Variants in CSMD2 observed in about 807,000 individuals in gnomAD.
CSMD2 encodes the protein CUB and sushi domain-containing protein 2.
Under a neutral mutation model 398.5 loss-of-function variants are expected in CSMD2, and 130 were observed. The observed-to-expected ratio is 0.33, with a 90% CI of 0.28 to 0.38. The LOEUF is 0.38. Ranked by LOEUF, CSMD2 falls within the 10% of genes least tolerant of loss-of-function variation. The pLI, the probability that CSMD2 is intolerant of heterozygous loss-of-function variation, is 1.00. For synonymous variants in CSMD2, 1,828 were observed against 1,908.5 expected (o/e 0.96, Z 1.10); for missense variants, 3,829 against 4,764.9 (o/e 0.80, Z 5.78).
chr1:34,008,988 T>A (rs1012557547), intron 3 of CSMD2, among the ~76,000 whole-genome samples: 11 of 150,892 alleles, frequency 7.3e-5, no homozygotes, highest in South Asian at 4.2e-4. Flanking sequence ...GCCTACCCCA[T>A]CCACTTTGCC....
chr1:33,771,867 C>G (rs1487796931), intron 13 of CSMD2, among the ~76,000 whole-genome samples: 1 of 152,214 alleles, frequency 6.6e-6, no homozygotes, highest in East Asian at 1.9e-4. Flanking sequence ...CCCACAGAGA[C>G]CATGTCTGGG....
intron 1 of CSMD2, among the ~76,000 whole-genome samples, chr1:34,148,066 TA>T (rs1316786654): frequency 1.3e-5 from 2 of 152,080 alleles, no homozygotes; most frequent in African/African-American, 4.8e-5. Context: ...CAGCATTGGG[TA>T]AGATGAACTT....
At chr1:34,092,583 T>A (rs906522262) in intron 1 of CSMD2, among the ~76,000 whole-genome samples, 1 of 152,140 alleles carries the variant, frequency 6.6e-6, no homozygotes, top group East Asian at 1.9e-4. Flanking sequence ...GGGCGAGGCA[T>A]TGCCTCACTC....
At chr1:34,096,064 G>A (rs1365135194) in intron 1 of CSMD2, among the ~76,000 whole-genome samples, 1 of 151,712 alleles carries the variant, frequency 6.6e-6, no homozygotes, top group African/African-American at 2.4e-5. Flanking sequence ...TATCCACCAT[G>A]ATCAAGTGGG....
chr1:33,826,042 C>G (rs559530468), intron 6 of CSMD2, among the ~76,000 whole-genome samples: 1 of 152,302 alleles, frequency 6.6e-6, no homozygotes, highest in East Asian at 1.9e-4. Context: ...TGGGACTCCC[C>G]CGGTGGCCTC....
In CSMD2 at chr1:33,635,165, A is replaced by T; in HGVS notation, c.5086+49T>A. Reference sequence around the variant, plus strand: ...CTGAGGAATTGCTCATTTTGGAATGAGGGTGAGGAGTCAGAAAACATATGA... The same window carrying T: ...CTGAGGAATTGCTCATTTTGGAATGTGGGTGAGGAGTCAGAAAACATATGA... On this transcript the variant is annotated intron_variant, in intron 31 of 70. Transcript: ENST00000373381. The surrounding 1 kb of genome is among the most constrained non-coding windows in gnomAD (Gnocchi z 5.0). 8.7e-7 allele frequency: 1 copy of T among 1,146,440 alleles called. No individual in the cohort carries two copies. The highest frequency in any genetic ancestry group is 1.3e-6 in the Non-Finnish European group (1 of 766,262). The allele number at this position is 1,146,440 out of a possible 1,614,324, so 71.0% of individuals were successfully genotyped here. A position where few individuals can be genotyped will look rare whatever the true frequency, so the allele number is the denominator to read the frequency against.
At position 33,616,964 on chromosome 1, in the gene CSMD2, G is replaced by A; in HGVS notation, c.5958C>T (p.His1986=). The A allele has an allele frequency of 6.2e-7, 1 of 1,614,168 alleles. No individual in the cohort carries two copies. The highest frequency in any genetic ancestry group is 1.1e-5 in the South Asian group (1 of 91,076). ...EPGYALQGHA[H]ISCMPGTVRR... is the part of the protein sequence containing the mutation. The stretch of plus-strand genomic sequence containing the variant: ...GCACTGTTCCGGGCATGCAGGAGAT[G>A]TGGGCGTGGCCCTGGAGGAATCAGG... Residue 1986 remains histidine (H), a synonymous_variant, in exon 39 of 71, where the codon CAC becomes CAT. Coordinates refer to ENST00000373381, the MANE Select transcript of CSMD2 (RefSeq NM_001281956.2).
intron 25 of CSMD2, among the ~76,000 whole-genome samples, chr1:33,690,122 A>T (rs1645187511): frequency 6.6e-6 from 1 of 152,102 alleles, no homozygotes; most frequent in Non-Finnish European, 1.5e-5. Flanking sequence ...GAGCTGTCAA[A>T]ACGCAGCCTC....
At chr1:33,716,104 T>G (rs1474226566) in intron 20 of CSMD2, among the ~76,000 whole-genome samples, 182 bp downstream of exon 20, 1 of 152,118 alleles carries the variant, frequency 6.6e-6, no homozygotes, top group Non-Finnish European at 1.5e-5. Context: ...TCCAAGACCA[T>G]TATAGGTAAG....
chr1:33,932,360 C>T (rs546992491), intron 4 of CSMD2, among the ~76,000 whole-genome samples: 12 of 152,022 alleles, frequency 7.9e-5, no homozygotes, highest in East Asian at 3.9e-4. Flanking sequence ...GAGAAGAGGC[C>T]GAGCTGGGCC....
At chr1:33,540,061 G>A (rs1656185422) in intron 60 of CSMD2, among the ~76,000 whole-genome samples, 1 of 152,180 alleles carries the variant, frequency 6.6e-6, no homozygotes, top group Non-Finnish European at 1.5e-5. Context: ...TCTCAGTAAA[G>A]AGTAAGCCCT....
chr1:33,644,966 T>A (rs1415358042), intron 29 of CSMD2, among the ~76,000 whole-genome samples: 2 of 152,154 alleles, frequency 1.3e-5, no homozygotes, highest in Non-Finnish European at 2.9e-5. Context: ...CTTCTAGAAC[T>A]GTACCCGACA....
chr1:33,809,625 T>G (rs1656624165), intron 10 of CSMD2, among the ~76,000 whole-genome samples: 1 of 151,932 alleles, frequency 6.6e-6, no homozygotes, highest in African/African-American at 2.4e-5. Context: ...ACAACGACCA[T>G]AGGGGTCACC....
intron 5 of CSMD2, among the ~76,000 whole-genome samples, chr1:33,916,447 T>C (rs898560958): frequency 6.6e-6 from 1 of 152,208 alleles, no homozygotes; most frequent in Non-Finnish European, 1.5e-5. Flanking sequence ...AGGATTCCAG[T>C]TGAGTGAAGA....
At chr1:33,609,301 A>T (rs921223126) in intron 41 of CSMD2, among the ~76,000 whole-genome samples, 1 of 152,198 alleles carries the variant, frequency 6.6e-6, no homozygotes, top group African/African-American at 2.4e-5. Context: ...CTTTCCCTAA[A>T]TGAGAAGCCC....
At chr1:33,674,943 G>C (rs1408724346) in intron 25 of CSMD2, among the ~76,000 whole-genome samples, 1 of 152,102 alleles carries the variant, frequency 6.6e-6, no homozygotes, top group East Asian at 1.9e-4. Context: ...AGAATCTCTG[G>C]GACACATTCA....
At chr1:33,935,292 A>G (rs1218042405) in intron 4 of CSMD2, among the ~76,000 whole-genome samples, 1 of 152,134 alleles carries the variant, frequency 6.6e-6, no homozygotes, top group East Asian at 1.9e-4. Flanking sequence ...GTTGGAGTAA[A>G]GAGATTTTGA....
At position 34,164,357 on chromosome 1, in the gene CSMD2, G is replaced by C. The variant is rs1051179598; in HGVS notation, c.187+554C>G. On this transcript the variant is annotated intron_variant, in intron 1 of 70. Transcript: ENST00000373381. This position sits in a 1 kb window ranked among gnomAD's most constrained non-coding sequence, Gnocchi z 6.2. ...GAGGGAGGGGTAGCATTTGAGGAGG[G>C]GGATGGCGGCCGCAGTCTGCAGTCG... 6.6e-6 allele frequency among the ~76,000 whole-genome samples: 1 copy of C among 152,088 alleles called. No homozygotes were observed. The highest frequency in any genetic ancestry group is 1.5e-5 in the Non-Finnish European group (1 of 67,982).
chr1:33,561,616 G>C (rs934156663), intron 53 of CSMD2, among the ~76,000 whole-genome samples: 19 of 152,332 alleles, frequency 1.2e-4, no homozygotes, highest in African/African-American at 4.6e-4. Flanking sequence ...AGGGCAGGCA[G>C]GGAAGCGGCT....
Sources: allele counts gnomAD v4.1 joint callset (sites outside exome capture counted in the v4.1 genomes callset), GRCh38; gene constraint gnomAD v4.1.1; non-coding constraint Gnocchi (gnomAD v3.1); transcripts MANE v1.5; gene names NCBI Gene and HGNC (gene_info 2026-07-23, HGNC 2026-07-21).